TNRC6A: variants seen among roughly 807,000 people sequenced by gnomAD.
TNRC6A encodes the protein trinucleotide repeat containing adaptor 6A, also known as trinucleotide repeat-containing gene 6A protein.
Under a neutral mutation model 221.2 loss-of-function variants are expected in TNRC6A, and 44 were observed. The ratio of observed to expected loss-of-function variants is 0.20; its 90% CI spans 0.16 to 0.26. TNRC6A has a LOEUF of 0.26. TNRC6A is among the 10% of genes least tolerant of loss of function. The probability of loss-of-function intolerance (pLI) is 1.00; values close to 1 mark genes in which losing one functional copy is unlikely to be tolerated. For synonymous variants in TNRC6A, 847 were observed against 838.5 expected (o/e 1.01, Z -0.18); for missense variants, 2,199 against 2,404.4 (o/e 0.91, Z 1.79).
At chr16:24,690,285 C>G (rs2055729281) in intron 2 of TNRC6A, among the ~76,000 whole-genome samples, 2 of 151,954 alleles carry the variant, frequency 1.3e-5, no homozygotes, top group African/African-American at 4.8e-5. Flanking sequence ...GCTGAGATTA[C>G]AGGCATAAGC....
rs535737725 is a variant in TNRC6A at position 24,669,941 on chromosome 16, C to CTTTTTTTTTTTTTTTTTTTTTTTTTTTT, written n.402+28959_402+28960insTTTTTTTTTTTTTTTTTTTTTTTTTTTT. ...TCGTTATGACCCTATGAGGCAGCTA[C>CTTTTTTTTTTTTTTTTTTTTTTTTTTTT]TTTTTTTTTTTTTTTTTTTTTTTTT... On this transcript the variant is annotated intron_variant and non_coding_transcript_variant, in intron 2 of 2. Transcript: ENST00000566108. 2.2e-4 allele frequency among the ~76,000 whole-genome samples: 6 copies of CTTTTTTTTTTTTTTTTTTTTTTTTTTTT among 27,188 alleles called. 2 individuals carry two copies. Among genetic ancestry groups the CTTTTTTTTTTTTTTTTTTTTTTTTTTTT allele is most frequent in the Non-Finnish European group, 3.3e-4 (5 of 15,102 alleles). 17.8% of individuals were successfully genotyped at this position (27,188 alleles called of 152,430 possible). A position where few individuals can be genotyped will look rare whatever the true frequency, so the allele number is the denominator to read the frequency against.
chr16:24,794,008 A>T (rs1229250074), intron 7 of TNRC6A, among the ~76,000 whole-genome samples: 1 of 152,200 alleles, frequency 6.6e-6, no homozygotes, highest in African/African-American at 2.4e-5. Flanking sequence ...AGACTGTCAG[A>T]TGATTCCCTG....
intron 2 of TNRC6A, among the ~76,000 whole-genome samples, chr16:24,650,927 C>T (rs928747008): frequency 6.6e-6 from 1 of 152,162 alleles, no homozygotes; most frequent in East Asian, 1.9e-4. Flanking sequence ...AAGTTGGGCT[C>T]CCCATTCACA....
intron 9 of TNRC6A, among the ~76,000 whole-genome samples, chr16:24,796,741 GGTAATGAA>G (rs3217239): frequency 0.62 from 94,197 of 151,276 alleles, 30,076 homozygotes; most frequent in African/African-American, 0.78. Context: ...AATGGGAAGG[GGTAATGAA>G]GTAATGAAGG....
intron 2 of TNRC6A, among the ~76,000 whole-genome samples, chr16:24,712,022 C>A (rs2142314668): frequency 6.6e-6 from 1 of 152,152 alleles, no homozygotes; most frequent in Middle Eastern, 3.4e-3. Context: ...TTGAAGACTG[C>A]CAAGACCATT....
Position 24,796,636 on chromosome 16 carries a change from G to A in TNRC6A, c.3561+697G>A, listed in dbSNP as rs148179131. On this transcript the variant is annotated intron_variant, in intron 9 of 24. Transcript: ENST00000395799. ...GGGATCAAAGCCAACTTCAGAATCT[G>A]CGGAGAGAGTTAGATGCTTGCTTCA... Among the ~76,000 whole-genome samples the A allele has an allele frequency of 4.1e-4, 62 of 152,328 alleles. 1 individual carries two copies. The East Asian group carries it at 0.011, about 27-fold the overall frequency.
At chr16:24,751,587 C>A (rs963102258) in intron 3 of TNRC6A, among the ~76,000 whole-genome samples, 17 of 152,180 alleles carry the variant, frequency 1.1e-4, no homozygotes, top group Non-Finnish European at 1.8e-4. Context: ...AATGGGCACT[C>A]ATCTCCTACT....
chr16:24,622,105 T>C (rs1596545451), intron 1 of TNRC6A, among the ~76,000 whole-genome samples: 1 of 152,072 alleles, frequency 6.6e-6, no homozygotes, highest in Non-Finnish European at 1.5e-5. Context: ...CAGTGTTTTT[T>C]CCCGAACCAA....
chr16:24,656,152 AAAAAGAAAAG>A (rs958174881), intron 2 of TNRC6A, among the ~76,000 whole-genome samples: 2 of 150,790 alleles, frequency 1.3e-5, no homozygotes, highest in African/African-American at 2.4e-5. Context: ...AAAAAAAAAA[AAAAAGAAAAG>A]AAAAGAAAAG....
In TNRC6A at chr16:24,701,989, C is replaced by CA. The variant is rs1015318449; in HGVS notation, n.403-48729dup. On this transcript the variant is annotated intron_variant and non_coding_transcript_variant, in intron 2 of 2. Transcript: ENST00000566108. ...TTCCTGTACTGAAAAAAAACAAAAA[C>CA]AAAAAAAACACGCCTCTCAATAACC... 8.4e-4 allele frequency among the ~76,000 whole-genome samples: 127 copies of CA among 151,172 alleles called. 1 individual carries two copies. The South Asian group carries it at 0.012, about 14-fold the overall frequency.
chr16:24,786,645 A>G (rs1160301272), intron 5 of TNRC6A, among the ~76,000 whole-genome samples: 2 of 150,756 alleles, frequency 1.3e-5, no homozygotes, highest in Admixed American at 6.6e-5. Flanking sequence ...TCTGCACCAC[A>G]GTTGTGTGAG....
chr16:24,780,638 C>T (rs1194290030), intron 5 of TNRC6A, among the ~76,000 whole-genome samples: 6 of 151,962 alleles, frequency 3.9e-5, no homozygotes, highest in Non-Finnish European at 7.4e-5. Context: ...TACCTACTGG[C>T]GAAGGAAAGA....
chr16:24,793,809 G>C (rs954415538), intron 7 of TNRC6A, among the ~76,000 whole-genome samples, 160 bp downstream of exon 7: 1 of 152,146 alleles, frequency 6.6e-6, no homozygotes. Context: ...ATTTTGTAAC[G>C]TGGTTTATTC....
At chr16:24,797,823 A>G in intron 10 of TNRC6A, 92 bp from the exon 11 acceptor site, 1 of 1,161,900 alleles carries the variant, frequency 8.6e-7, no homozygotes, top group Non-Finnish European at 1.2e-6. Context: ...CTTGAATTTC[A>G]CAGATAATGA....
chr16:24,621,342 G>GGT, intron 1 of TNRC6A, among the ~76,000 whole-genome samples: 1 of 135,886 alleles, frequency 7.4e-6, no homozygotes, highest in Non-Finnish European at 1.5e-5. Flanking sequence ...ACTAGAATAT[G>GGT]GTCTTTTTTT....
At position 24,815,197 on chromosome 16, in the gene TNRC6A, G is replaced by C; in HGVS notation, c.4723G>C (p.Asp1575His). ...RLEESPFVPY[D>H]FMNSSTSPAS... is the part of the protein sequence containing the mutation. ...GGAAGAGTCTCCATTTGTTCCCTAT[G>C]ACTTTATGAACAGCAGTACTTCACC... The change falls in exon 19 of 25, where the codon GAC (aspartate) becomes CAC (histidine). Residue 1575 changes from aspartate (D) to histidine (H), a missense_variant. By Grantham distance (81) the Asp-to-His change is moderately conservative. Coordinates refer to ENST00000395799, the MANE Select transcript of TNRC6A (RefSeq NM_014494.4). The C allele has an allele frequency of 6.2e-7, 1 of 1,614,176 alleles. No individual in the cohort carries two copies. Among genetic ancestry groups the C allele is most frequent in the Non-Finnish European group, 8.5e-7 (1 of 1,180,040 alleles).
chr16:24,643,069 T>A (rs1422922120), intron 2 of TNRC6A, among the ~76,000 whole-genome samples: 4 of 135,652 alleles, frequency 2.9e-5, no homozygotes, highest in Non-Finnish European at 6.2e-5. Context: ...ACATATATAT[T>A]ATATATATAT....
Position 24,786,651 on chromosome 16 carries a change from G to A in TNRC6A, c.590-2581G>A, listed in dbSNP as rs574770821. ...TTTTAATAATCTGCACCACAGTTGTGTGAGATTGGTACTAATACTGTTTCG... is the reference window on the plus strand; with the variant it reads ...TTTTAATAATCTGCACCACAGTTGTATGAGATTGGTACTAATACTGTTTCG... On this transcript the variant is annotated intron_variant, in intron 5 of 24. Transcript: ENST00000395799. Among the ~76,000 whole-genome samples the A allele has an allele frequency of 5.1e-4, 77 of 151,602 alleles. 1 individual carries two copies. Among genetic ancestry groups the A allele is most frequent in the Non-Finnish European group, 9.9e-4 (67 of 67,872 alleles).
intron 2 of TNRC6A, among the ~76,000 whole-genome samples, chr16:24,648,422 C>G (rs1347080027): frequency 6.6e-6 from 1 of 152,048 alleles, no homozygotes; most frequent in Non-Finnish European, 1.5e-5. Flanking sequence ...AGGTGCCCAC[C>G]ACCACGCCTG....
Sources: allele counts gnomAD v4.1 joint callset (sites outside exome capture counted in the v4.1 genomes callset), GRCh38; gene constraint gnomAD v4.1.1; transcripts MANE v1.5; gene names NCBI Gene and HGNC (gene_info 2026-07-23, HGNC 2026-07-21).